Variants in YKT6 observed in about 807,000 individuals in gnomAD.
The protein encoded by YKT6 is synaptobrevin homolog YKT6.
Under a neutral mutation model 29.3 loss-of-function variants are expected in YKT6, and 12 were observed. The ratio of observed to expected loss-of-function variants is 0.41; its 90% CI spans 0.26 to 0.66. The LOEUF (loss-of-function observed/expected upper bound fraction) is 0.66. Ranked by LOEUF, YKT6 falls within the 30% of genes least tolerant of loss-of-function variation. The pLI is 0.32. For missense variants in YKT6, 188 were observed against 243.8 expected (o/e 0.77, Z 1.52); for synonymous variants, 86 against 94.3 (o/e 0.91, Z 0.51).
chr7:44,210,125 A>G (rs1352897602), intron 5 of YKT6, among the ~76,000 whole-genome samples: 1 of 152,108 alleles, frequency 6.6e-6, no homozygotes, highest in East Asian at 1.9e-4. Flanking sequence ...GTGAGTTTGC[A>G]TCTGAAATCT....
At position 44,210,732 on chromosome 7, in the gene YKT6, A is replaced by ATG. The variant is rs1457366702; in HGVS notation, c.460-290_460-289insGT. On this transcript the variant is annotated intron_variant, in intron 5 of 6. Transcript: ENST00000223369. Reference sequence around the variant, plus strand: ...TATATAAATGTGTGTGTATATATATATATGAGTTTTCCTGGAGTGCTGGTT... The same window carrying ATG: ...TATATAAATGTGTGTGTATATATATATGTATGAGTTTTCCTGGAGTGCTGGTT... 3.5e-5 allele frequency: 17 copies of ATG among 482,294 alleles called. No homozygotes were observed. The East Asian group carries it at 9.2e-4, about 26-fold the overall frequency. The allele number at this position is 482,294 out of a possible 1,614,324, so 29.9% of individuals were successfully genotyped here.
At chr7:44,211,728 G>A in intron 6 of YKT6, 1 of 589,380 alleles carries the variant, frequency 1.7e-6, no homozygotes, top group Non-Finnish European at 2.2e-6. Context: ...GAGGGAGATG[G>A]CTAGGTGGGA....
In YKT6 at chr7:44,204,581, A is replaced by G; in HGVS notation, c.118A>G (p.Met40Val). Residue 40 changes from methionine (M) to valine (V), a missense_variant, in exon 2 of 7, where the codon ATG becomes GTG. Physicochemically the swap from Met to Val is conservative, Grantham distance 21. Coordinates refer to ENST00000223369, the MANE Select transcript of YKT6 (RefSeq NM_006555.4). ...FFQRSSVQEFMTFTSQLIVER... is the reference protein window; with the variant it reads ...FFQRSSVQEFVTFTSQLIVER... ...TGTGTTTCTTAGCGTTCAGGAATTC[A>G]TGACCTTCACGAGTCAACTGATTGT... The G allele has an allele frequency of 6.2e-7, 1 of 1,614,240 alleles. No individual in the cohort carries two copies. The highest frequency in any genetic ancestry group is 8.5e-7 in the Non-Finnish European group (1 of 1,180,024).
intron 1 of YKT6, among the ~76,000 whole-genome samples, chr7:44,204,114 G>A (rs1583645149): frequency 6.6e-6 from 1 of 152,324 alleles, no homozygotes; most frequent in South Asian, 2.1e-4. Context: ...GTGGCATTGC[G>A]AGGGTCTGTC....
chr7:44,205,778 T>C (rs1583646250), intron 2 of YKT6, among the ~76,000 whole-genome samples: 2 of 152,206 alleles, frequency 1.3e-5, no homozygotes, highest in East Asian at 1.9e-4. Flanking sequence ...TTCAATCATA[T>C]GAGGATTTTA....
chr7:44,201,018 C>G lies in YKT6; in HGVS notation c.-118C>G, dbSNP rs531231812. The stretch of plus-strand genomic sequence containing the variant: ...AGGAGGAAGCCGGCGGTGGCCCCGT[C>G]AGCAGCCGGCTGCTGAGAGGCCGGT... On this transcript the variant is annotated 5_prime_UTR_variant, in exon 1 of 7. Coordinates refer to ENST00000223369, the MANE Select transcript of YKT6 (RefSeq NM_006555.4). 1 of 786,762 alleles carries G rather than the reference C, an allele frequency of 1.3e-6. No homozygotes were observed. 48.7% of individuals were successfully genotyped at this position (786,762 alleles called of 1,614,324 possible).
chr7:44,208,518 A>AC (rs1412916474), intron 5 of YKT6: 1 of 326,898 alleles, frequency 3.1e-6, no homozygotes, highest in Non-Finnish European at 5.9e-6. Context: ...CTGGATTCCC[A>AC]CCCTGGTGCC....
chr7:44,207,799 T>C (rs2128839773), intron 4 of YKT6, among the ~76,000 whole-genome samples: 1 of 152,194 alleles, frequency 6.6e-6, no homozygotes, highest in South Asian at 2.1e-4. Context: ...CAATCTCGGC[T>C]CACTCAACCT....
chr7:44,206,094 G>C (rs1562742405), intron 2 of YKT6, among the ~76,000 whole-genome samples: 1 of 152,138 alleles, frequency 6.6e-6, no homozygotes, highest in African/African-American at 2.4e-5. Context: ...AATGCTCCTG[G>C]GGCCATGTTG....
At chr7:44,207,332 T>G in intron 3 of YKT6, 56 bp from the exon 4 acceptor site, 2 of 1,513,386 alleles carry the variant, frequency 1.3e-6, no homozygotes, top group African/African-American at 1.4e-5. Flanking sequence ...GCCCTGTCAT[T>G]GAGACCACTG....
chr7:44,210,729 T>A, intron 5 of YKT6: 1 of 473,880 alleles, frequency 2.1e-6, no homozygotes, highest in Non-Finnish European at 4.1e-6. Context: ...TGTGTATATA[T>A]ATATATGAGT....
rs764904707 is a variant in YKT6 at position 44,208,146 on chromosome 7, C to T, written c.407C>T (p.Ala136Val). Residue 136 changes from alanine to valine, a missense_variant, in exon 5 of 7, where the codon GCT becomes GTT. By Grantham distance (64) the Ala-to-Val change is moderately conservative. Transcript: ENST00000223369. Reference protein sequence around the residue: ...HLSRYQNPREADPMTKVQAEL... With the variant: ...HLSRYQNPREVDPMTKVQAEL... The stretch of plus-strand genomic sequence containing the variant: ...ACTCTTTCCTAGAACCCACGAGAAG[C>T]TGATCCCATGACTAAAGTGCAGGCC... 8 of 1,613,988 alleles carry T rather than the reference C, an allele frequency of 5.0e-6. No individual in the cohort carries two copies. The East Asian group carries it at 1.3e-4, about 27-fold the overall frequency.
chr7:44,204,438 A>G, intron 1 of YKT6, 130 bp from the exon 2 acceptor site: 2 of 712,910 alleles, frequency 2.8e-6, no homozygotes, highest in Non-Finnish European at 2.4e-6. Flanking sequence ...GTTTGTTACT[A>G]GGGATGGGAG....
intron 1 of YKT6, 132 bp from the exon 2 acceptor site, chr7:44,204,436 C>G: frequency 1.4e-6 from 1 of 709,428 alleles, no homozygotes; most frequent in Non-Finnish European, 2.4e-6. Flanking sequence ...GTGTTTGTTA[C>G]TAGGGATGGG....
intron 5 of YKT6, among the ~76,000 whole-genome samples, chr7:44,209,609 GTTAAC>G (rs1330795180): frequency 1.3e-5 from 2 of 152,240 alleles, no homozygotes; most frequent in Non-Finnish European, 2.9e-5. Context: ...ATCTGAATCA[GTTAAC>G]TTTCTGTGTT....
intron 3 of YKT6, among the ~76,000 whole-genome samples, chr7:44,206,752 C>T (rs1328330088): frequency 6.6e-6 from 1 of 152,158 alleles, no homozygotes; most frequent in Non-Finnish European, 1.5e-5. Context: ...TCGGAGACAG[C>T]TGTGCCTTGT....
chr7:44,212,130 T>C (rs1169407904), intron 6 of YKT6, 117 bp from the exon 7 acceptor site: 1 of 1,235,504 alleles, frequency 8.1e-7, no homozygotes, highest in East Asian at 2.3e-5. Context: ...CCTGTTCTAG[T>C]GCTAGTTTCT....
chr7:44,201,013 C>A lies in YKT6; in HGVS notation c.-123C>A, dbSNP rs1025321680. 4 of 741,054 alleles carry A rather than the reference C, an allele frequency of 5.4e-6. No homozygotes were observed. The highest frequency in any genetic ancestry group is 4.1e-5 in the South Asian group (2 of 48,532). The allele number at this position is 741,054 out of a possible 1,614,324, so 45.9% of individuals were successfully genotyped here. A position where few individuals can be genotyped will look rare whatever the true frequency, so the allele number is the denominator to read the frequency against. On this transcript the variant is annotated 5_prime_UTR_variant, in exon 1 of 7. Coordinates refer to ENST00000223369, the MANE Select transcript of YKT6 (RefSeq NM_006555.4). Reference sequence around the variant, plus strand: ...CCAGGAGGAGGAAGCCGGCGGTGGCCCCGTCAGCAGCCGGCTGCTGAGAGG... The same window carrying A: ...CCAGGAGGAGGAAGCCGGCGGTGGCACCGTCAGCAGCCGGCTGCTGAGAGG...
At chr7:44,211,234 C>T (rs1266322498) in intron 6 of YKT6, 110 bp downstream of exon 6, 1 of 971,608 alleles carries the variant, frequency 1.0e-6, no homozygotes, top group South Asian at 1.5e-5. Flanking sequence ...ACTGTTGAAT[C>T]ATGGTGGATG....
Sources: allele counts gnomAD v4.1 joint callset (sites outside exome capture counted in the v4.1 genomes callset), GRCh38; gene constraint gnomAD v4.1.1; transcripts MANE v1.5; gene names NCBI Gene and HGNC (gene_info 2026-07-23, HGNC 2026-07-21).